HEMK2: variants seen among roughly 807,000 people sequenced by gnomAD.
HEMK2 encodes methyltransferase HEMK2.
the HEMK2 span, among the ~76,000 whole-genome samples, chr21:28,836,520 C>T: frequency 2.6e-5 from 4 of 151,884 alleles, no homozygotes; most frequent in Admixed American, 2.6e-4. Flanking sequence ...GGAGGAAACA[C>T]ATCAAAACAG....
At chr21:28,746,855 C>T in the HEMK2 span, among the ~76,000 whole-genome samples, 23 of 152,196 alleles carry the variant, frequency 1.5e-4, no homozygotes, top group South Asian at 8.3e-4. Flanking sequence ...CCAAACACAG[C>T]CACAGCATGG....
At chr21:28,709,957 T>C in the HEMK2 span, among the ~76,000 whole-genome samples, 1 of 152,210 alleles carries the variant, frequency 6.6e-6, no homozygotes, top group African/African-American at 2.4e-5. Context: ...TGTGTTCTTT[T>C]GACCATGATA....
chr21:28,855,673 C>T, the HEMK2 span, among the ~76,000 whole-genome samples: 1 of 152,172 alleles, frequency 6.6e-6, no homozygotes, highest in African/African-American at 2.4e-5. Context: ...CACTCTCAGA[C>T]CACAGTCCAA....
chr21:28,881,425 G>A, the HEMK2 span, among the ~76,000 whole-genome samples: 4 of 152,178 alleles, frequency 2.6e-5, no homozygotes, highest in Non-Finnish European at 5.9e-5. Flanking sequence ...TCATTCTGGG[G>A]CCTCTTCTAG....
the HEMK2 span, among the ~76,000 whole-genome samples, chr21:28,857,978 T>C: frequency 2.0e-5 from 3 of 152,244 alleles, no homozygotes; most frequent in African/African-American, 4.8e-5. Flanking sequence ...TCTTGTTTCA[T>C]AGGTCATGCT....
chr21:28,803,140 G>A, the HEMK2 span, among the ~76,000 whole-genome samples: 1 of 152,166 alleles, frequency 6.6e-6, no homozygotes, highest in African/African-American at 2.4e-5. Flanking sequence ...TTCCCAAAGG[G>A]AAGCAACTGG....
chr21:28,751,372 C>G, the HEMK2 span, among the ~76,000 whole-genome samples: 1 of 152,062 alleles, frequency 6.6e-6, no homozygotes, highest in Non-Finnish European at 1.5e-5. Context: ...TGAAAAGAAC[C>G]CACTATCATT....
At chr21:28,810,447 G>A in the HEMK2 span, among the ~76,000 whole-genome samples, 1 of 152,160 alleles carries the variant, frequency 6.6e-6, no homozygotes, top group Non-Finnish European at 1.5e-5. Flanking sequence ...TGACTCTCAG[G>A]AGCTCACCCA....
At chr21:28,667,064 C>T in the HEMK2 span, among the ~76,000 whole-genome samples, 3 of 151,880 alleles carry the variant, frequency 2.0e-5, no homozygotes, top group Non-Finnish European at 2.9e-5. Context: ...TCATCTTGTT[C>T]GTAAAGGAAG....
chr21:28,627,821 T>C, the HEMK2 span, among the ~76,000 whole-genome samples: 4 of 152,132 alleles, frequency 2.6e-5, no homozygotes. Context: ...AGATGGAAAA[T>C]TGAAAGTACC....
chr21:28,615,610 A>T, the HEMK2 span, among the ~76,000 whole-genome samples: 1 of 152,184 alleles, frequency 6.6e-6, no homozygotes, highest in African/African-American at 2.4e-5. Flanking sequence ...TAAAAAGTGT[A>T]GATTTTATTT....
At chr21:28,854,296 A>G in the HEMK2 span, among the ~76,000 whole-genome samples, 5 of 152,288 alleles carry the variant, frequency 3.3e-5, no homozygotes, top group African/African-American at 9.6e-5. Context: ...GCCAAGGATT[A>G]TAAGTGTTCT....
chr21:28,644,943 G>C, the HEMK2 span, among the ~76,000 whole-genome samples: 4 of 152,186 alleles, frequency 2.6e-5, no homozygotes, highest in Non-Finnish European at 5.9e-5. Context: ...GGGGCCTGGA[G>C]ACTTGGCCAC....
chr21:28,774,840 G>A, the HEMK2 span, among the ~76,000 whole-genome samples: 11 of 152,132 alleles, frequency 7.2e-5, no homozygotes, highest in East Asian at 2.1e-3. Flanking sequence ...TAAAAGATGA[G>A]CATCTTTGTA....
chr21:28,860,722 A>G, the HEMK2 span, among the ~76,000 whole-genome samples: 3 of 152,136 alleles, frequency 2.0e-5, no homozygotes, highest in African/African-American at 7.2e-5. Flanking sequence ...ATTTATATAA[A>G]CAGAAATCTG....
chr21:28,798,887 A>G, the HEMK2 span, among the ~76,000 whole-genome samples: 1 of 152,228 alleles, frequency 6.6e-6, no homozygotes, highest in Non-Finnish European at 1.5e-5. Flanking sequence ...TATCTCCTGC[A>G]GCAAAATGCA....
the HEMK2 span, among the ~76,000 whole-genome samples, chr21:28,739,742 G>A: frequency 6.6e-6 from 1 of 152,170 alleles, no homozygotes; most frequent in Non-Finnish European, 1.5e-5. Context: ...TAACAATTCT[G>A]TTTTTCAGCG....
chr21:28,604,832 TC>T, the HEMK2 span, among the ~76,000 whole-genome samples: 1 of 152,234 alleles, frequency 6.6e-6, no homozygotes, highest in Non-Finnish European at 1.5e-5. Flanking sequence ...TTGCCCACTT[TC>T]CTGCTTTGGT....
the HEMK2 span, among the ~76,000 whole-genome samples, chr21:28,758,341 G>T: frequency 6.6e-6 from 1 of 152,184 alleles, no homozygotes; most frequent in African/African-American, 2.4e-5. Flanking sequence ...GACAAAAAGA[G>T]AAAGTCAATT....
Sources: gnomAD v4.1 joint callset for allele counts (sites outside exome capture counted in the v4.1 genomes callset) on GRCh38, gnomAD v4.1.1 for gene constraint, MANE v1.5 for transcripts, NCBI Gene and HGNC (gene_info 2026-07-23, HGNC 2026-07-21) for gene names.